The following SRP54 variants were observed in gnomAD, a reference collection of about 807,000 sequenced individuals.
The protein encoded by SRP54 is signal recognition particle 54, also known as signal recognition particle subunit SRP54.
Under a neutral mutation model 64.8 loss-of-function variants are expected in SRP54, and 10 were observed. That is an observed-to-expected ratio of 0.15 (90% confidence interval 0.10 to 0.26). The LOEUF (loss-of-function observed/expected upper bound fraction) is 0.26, where lower values mean the gene tolerates loss of function less well. SRP54 is among the 10% of genes least tolerant of loss of function. The pLI, the probability that SRP54 is intolerant of heterozygous loss-of-function variation, is 1.00. For missense variants in SRP54, 325 were observed against 613.7 expected, an observed-to-expected ratio of 0.53 and a Z score of 4.97; for synonymous variants, 193 against 185.6, an observed-to-expected ratio of 1.04 and a Z score of -0.32.
intron 14 of SRP54, among the ~76,000 whole-genome samples, chr14:35,025,691 TG>T (rs1454040255): frequency 5.3e-5 from 8 of 152,238 alleles, no homozygotes; most frequent in African/African-American, 1.9e-4. Flanking sequence ...CTAATGAGCA[TG>T]GAATTCCCAT....
At chr14:35,026,823 A>G (rs1279716469) in intron 14 of SRP54, among the ~76,000 whole-genome samples, 1 of 152,004 alleles carries the variant, frequency 6.6e-6, no homozygotes, top group East Asian at 1.9e-4. Context: ...CATGCCTGTA[A>G]TCCCAGCTAC....
At chr14:35,016,075 C>T (rs1406316073) in intron 11 of SRP54, among the ~76,000 whole-genome samples, 1 of 152,152 alleles carries the variant, frequency 6.6e-6, no homozygotes, top group Admixed American at 6.5e-5. Context: ...TTAACTAGTC[C>T]AAGTGTTTCC....
intron 5 of SRP54, among the ~76,000 whole-genome samples, chr14:35,007,674 T>TTAAAATATATTTATATTATAA (rs1566649611): frequency 1.6e-4 from 13 of 82,752 alleles, no homozygotes; most frequent in Admixed American, 3.7e-4. Context: ...ATAGATTTTA[T>TTAAAATATATTTATATTATAA]TAAAATATAT....
intron 1 of SRP54, among the ~76,000 whole-genome samples, chr14:34,985,355 C>T (rs1398681883): frequency 1.3e-5 from 2 of 152,096 alleles, no homozygotes; most frequent in African/African-American, 4.8e-5. Flanking sequence ...TCCCTTTTTG[C>T]CTTCCATTCA....
At chr14:35,012,609 A>T (rs2044372990) in intron 8 of SRP54, among the ~76,000 whole-genome samples, 1 of 152,056 alleles carries the variant, frequency 6.6e-6, no homozygotes, top group Non-Finnish European at 1.5e-5. Context: ...TTTTGCCTAG[A>T]TTGCCATTCT....
At chr14:35,014,331 G>A (rs2044405387) in intron 10 of SRP54, among the ~76,000 whole-genome samples, 1 of 144,236 alleles carries the variant, frequency 6.9e-6, no homozygotes, top group Non-Finnish European at 1.5e-5. Flanking sequence ...AGGCTGGAGT[G>A]CAATGGCGGG....
intron 14 of SRP54, among the ~76,000 whole-genome samples, chr14:35,024,698 C>A (rs568351384): frequency 9.3e-5 from 14 of 150,412 alleles, no homozygotes; most frequent in African/African-American, 3.4e-4. Flanking sequence ...ATCAAGTTAA[C>A]CTTCTCCATG....
intron 1 of SRP54, among the ~76,000 whole-genome samples, chr14:34,995,586 C>G (rs866714426): frequency 1.3e-5 from 2 of 152,104 alleles, no homozygotes; most frequent in African/African-American, 4.8e-5. Flanking sequence ...TCCATAAGCC[C>G]TTGCATCCTT....
At chr14:35,014,468 C>T (rs569519819) in intron 10 of SRP54, among the ~76,000 whole-genome samples, 49 of 151,844 alleles carry the variant, frequency 3.2e-4, no homozygotes, top group Non-Finnish European at 5.0e-4. Flanking sequence ...TTAGTAGAGA[C>T]GGGGTTTCAC....
Position 35,008,824 on chromosome 14 carries a change from T to C in SRP54, c.478T>C (p.Tyr160His). Residue 160 changes from tyrosine (Y) to histidine (H), a missense_variant, in exon 7 of 16, where the codon TAT becomes CAT. Tyr to His is a moderately conservative substitution (Grantham distance 83). Coordinates refer to ENST00000216774, the MANE Select transcript of SRP54 (RefSeq NM_003136.4). ...TGCTACCAAAGCAAGAATTCCATTT[T>C]ATGGAAGGTAGGTTACTGTTTTTTA... ...QNATKARIPF[Y>H]GSYTEMDPVI... 1.2e-6 allele frequency: 2 copies of C among 1,607,888 alleles called. No homozygotes were observed. The highest frequency in any genetic ancestry group is 1.7e-6 in the Non-Finnish European group (2 of 1,177,236).
intron 10 of SRP54, among the ~76,000 whole-genome samples, chr14:35,014,529 C>T (rs2044407927): frequency 6.6e-6 from 1 of 152,158 alleles, no homozygotes; most frequent in Non-Finnish European, 1.5e-5. Context: ...ATCCACCCAC[C>T]TTGGCCTCCC....
Position 35,029,376 on chromosome 14 carries a change from G to T in SRP54, c.*224G>T. 2.5e-6 allele frequency: 1 copy of T among 395,642 alleles called. No homozygotes were observed. The highest frequency in any genetic ancestry group is 4.4e-5 in the South Asian group (1 of 22,772). 24.5% of individuals were successfully genotyped at this position (395,642 alleles called of 1,614,324 possible). ...ATGGTTTTTGTGGAAATCATTATAT[G>T]TTTGCTTTAGATTTTCTTCTGTTTT... On this transcript the variant is annotated 3_prime_UTR_variant, in exon 16 of 16. Coordinates refer to ENST00000216774, the MANE Select transcript of SRP54 (RefSeq NM_003136.4).
chr14:35,022,836 T>C (rs540836202), intron 13 of SRP54, 74 bp from the exon 14 acceptor site: 2 of 1,248,632 alleles, frequency 1.6e-6, no homozygotes, highest in Admixed American at 2.6e-5. Flanking sequence ...TGAAGTTATA[T>C]ATTGCCCATT....
intron 7 of SRP54, among the ~76,000 whole-genome samples, chr14:35,010,269 GAAAGCCCGTTTCTACTAA>G (rs2044334631): frequency 6.6e-6 from 1 of 151,970 alleles, no homozygotes; most frequent in Non-Finnish European, 1.5e-5. Context: ...CCAACATGGA[GAAAGCCCGTTTCTACTAA>G]AAATACAAAA....
intron 4 of SRP54, among the ~76,000 whole-genome samples, chr14:35,002,516 T>G (rs2044191067): frequency 6.6e-6 from 1 of 151,624 alleles, no homozygotes; most frequent in Admixed American, 6.6e-5. Flanking sequence ...CACTGCAACC[T>G]CTGCCTGCCA....
intron 2 of SRP54, among the ~76,000 whole-genome samples, chr14:34,998,832 A>T (rs931797500): frequency 1.3e-5 from 2 of 151,806 alleles, no homozygotes; most frequent in African/African-American, 4.8e-5. Flanking sequence ...AAAAAAAAAA[A>T]AGAAAAGCAA....
chr14:34,988,659 A>G (rs2043941208), intron 1 of SRP54, among the ~76,000 whole-genome samples: 1 of 147,556 alleles, frequency 6.8e-6, no homozygotes, highest in African/African-American at 2.5e-5. Flanking sequence ...TTTGTTAACT[A>G]AATTTACTTT....
intron 8 of SRP54, 52 bp from the exon 9 acceptor site, chr14:35,013,294 T>C: frequency 6.6e-7 from 1 of 1,519,746 alleles, no homozygotes; most frequent in Non-Finnish European, 9.1e-7. Flanking sequence ...GACATTTGCT[T>C]AGGATCAATA....
At chr14:34,991,673 G>A (rs532497233) in intron 1 of SRP54, among the ~76,000 whole-genome samples, 15 of 149,680 alleles carry the variant, frequency 1.0e-4, no homozygotes, top group Non-Finnish European at 1.9e-4. Context: ...GTGGAAATGT[G>A]TAGCAGCAAT....
Sources: allele counts gnomAD v4.1 joint callset (sites outside exome capture counted in the v4.1 genomes callset), GRCh38; gene constraint gnomAD v4.1.1; transcripts MANE v1.5; gene names NCBI Gene and HGNC (gene_info 2026-07-23, HGNC 2026-07-21).